Variants in ASXL1 observed in about 807,000 individuals in gnomAD.
The protein encoded by ASXL1 is polycomb group protein ASXL1.
Under a neutral mutation model 89.1 loss-of-function variants are expected in ASXL1, and 65 were observed. That is an observed-to-expected ratio of 0.73 (90% CI 0.60 to 0.90). ASXL1 has a LOEUF of 0.90. Ranked by LOEUF, ASXL1 falls within the 40% of genes least tolerant of loss-of-function variation. The probability of loss-of-function intolerance (pLI) is 0.00; values close to 1 mark genes in which losing one functional copy is unlikely to be tolerated. For synonymous variants in ASXL1, 739 were observed against 746.9 expected (o/e 0.99, Z 0.17); for missense variants, 1,786 against 1,942.9 (o/e 0.92, Z 1.52).
intron 4 of ASXL1, among the ~76,000 whole-genome samples, chr20:32,386,179 G>T (rs2048575785): frequency 1.3e-5 from 2 of 152,170 alleles, no homozygotes; most frequent in Admixed American, 1.3e-4. Context: ...AGCTCTTATG[G>T]TAGGTATTCA....
rs759657499 is a variant in ASXL1, at chr20:32,386,455, TTGCCCAGGC to T, written c.252+17335_252+17343del. On this transcript the variant is annotated intron_variant, in intron 4 of 12. Coordinates refer to ENST00000375687, the MANE Select transcript of ASXL1 (RefSeq NM_015338.6). ...TTTTTTGAGACAGAGTCTTGTTCTG[TTGCCCAGGC>T]TGGAGTGCAGTGGCATGATCCCGGC... 7.2e-5 allele frequency among the ~76,000 whole-genome samples: 11 copies of T among 152,214 alleles called. No individual in the cohort carries two copies. In the East Asian group the frequency reaches 1.7e-3, roughly 24 times the overall value.
chr20:32,380,835 C>A (rs902712415), intron 4 of ASXL1, among the ~76,000 whole-genome samples: 2 of 152,138 alleles, frequency 1.3e-5, no homozygotes, highest in Admixed American at 1.3e-4. Flanking sequence ...GATTTAGATA[C>A]AACAAAATCA....
chr20:32,438,405 TCTC>T lies in ASXL1; in HGVS notation c.*1070_*1072del, dbSNP rs556365336. 2.0e-3 allele frequency: 457 copies of T among 233,594 alleles called. 1 individual carries two copies. The highest frequency in any genetic ancestry group is 8.0e-3 in the African/African-American group (365 of 45,444). 14.5% of individuals were successfully genotyped at this position (233,594 alleles called of 1,614,324 possible). A position where few individuals can be genotyped will look rare whatever the true frequency, so the allele number is the denominator to read the frequency against. On this transcript the variant is annotated 3_prime_UTR_variant, in exon 13 of 13. Coordinates refer to ENST00000375687, the MANE Select transcript of ASXL1 (RefSeq NM_015338.6). ...GCATCATTGCATTAAAGTGGTGTAA[TCTC>T]CTTCTCTACATCTGTTGTCAGAGCC...
intron 4 of ASXL1, among the ~76,000 whole-genome samples, chr20:32,379,011 A>G (rs2048437306): frequency 6.6e-6 from 1 of 151,648 alleles, no homozygotes; most frequent in Non-Finnish European, 1.5e-5. Flanking sequence ...GAACGCCTGT[A>G]GTCCCAGCTA....
chr20:32,409,402 G>A (rs901827837), intron 4 of ASXL1, among the ~76,000 whole-genome samples: 4 of 152,158 alleles, frequency 2.6e-5, no homozygotes, highest in African/African-American at 4.8e-5. Flanking sequence ...TTTCAGACAC[G>A]ATTGTATTTG....
chr20:32,380,529 A>G (rs2048469597), intron 4 of ASXL1, among the ~76,000 whole-genome samples: 1 of 152,168 alleles, frequency 6.6e-6, no homozygotes, highest in Non-Finnish European at 1.5e-5. Flanking sequence ...AGGTGGGAGA[A>G]TTGCTTGAGC....
In ASXL1 at chr20:32,359,404, C is replaced by T. The variant is rs958393634; in HGVS notation, c.57+572C>T. ...GCAGCGGTTCTCTAACTTTAGTGTC[C>T]TGTGGGCGACACCTGGGAGGCGGTT... On this transcript the variant is annotated intron_variant, in intron 1 of 12. Transcript: ENST00000375687. 5.7e-6 allele frequency: 4 copies of T among 702,276 alleles called. No homozygotes were observed. In the African/African-American group the frequency reaches 7.0e-5, roughly 12 times the overall value. 43.5% of individuals were successfully genotyped at this position (702,276 alleles called of 1,614,324 possible).
intron 4 of ASXL1, among the ~76,000 whole-genome samples, chr20:32,373,667 G>A (rs1419357680): frequency 1.3e-5 from 2 of 152,046 alleles, no homozygotes; most frequent in African/African-American, 4.8e-5. Context: ...AGGAGTTCGA[G>A]ACCAGCCTGG....
At position 32,375,203 on chromosome 20, in the gene ASXL1, C is replaced by T. The variant is rs535542237; in HGVS notation, c.252+6080C>T. 1.6e-4 allele frequency among the ~76,000 whole-genome samples: 24 copies of T among 152,220 alleles called. No individual in the cohort carries two copies. In the South Asian group the frequency reaches 4.6e-3, roughly 29 times the overall value. ...AGACATAGCCCGGCGCAGTGGCTCA[C>T]GCCTGTAATCCCAGCAGTTTGGGAG... On this transcript the variant is annotated intron_variant, in intron 4 of 12. Coordinates refer to ENST00000375687, the MANE Select transcript of ASXL1 (RefSeq NM_015338.6).
intron 4 of ASXL1, among the ~76,000 whole-genome samples, chr20:32,376,288 T>A (rs2048377015): frequency 6.6e-6 from 1 of 152,106 alleles, no homozygotes; most frequent in Admixed American, 6.6e-5. Context: ...TGTTGTGTTA[T>A]CTTTGAGATG....
At chr20:32,389,963 GTGCT>G (rs2048643937) in intron 4 of ASXL1, among the ~76,000 whole-genome samples, 1 of 152,216 alleles carries the variant, frequency 6.6e-6, no homozygotes, top group Non-Finnish European at 1.5e-5. Context: ...TATTTTAACA[GTGCT>G]ATTTAAATAT....
At position 32,435,439 on chromosome 20, in the gene ASXL1, A is replaced by G; in HGVS notation, c.2727A>G (p.Lys909=). Residue 909 remains lysine (K), a synonymous_variant, in exon 13 of 13, where the codon AAA becomes AAG. Coordinates refer to ENST00000375687, the MANE Select transcript of ASXL1 (RefSeq NM_015338.6). ...TCCCATCGAATGATGAGGTAGTGAA[A>G]CAGCCCAAACCAGAATCCAGAGAAC... ...IPIPSNDEVV[K]QPKPESREHI... is the part of the protein sequence containing the mutation. 6.2e-7 allele frequency: 1 copy of G among 1,614,122 alleles called. No homozygotes were observed. The highest frequency in any genetic ancestry group is 8.5e-7 in the Non-Finnish European group (1 of 1,180,028).
intron 4 of ASXL1, among the ~76,000 whole-genome samples, chr20:32,423,676 G>A (rs1412463429): frequency 6.6e-6 from 1 of 151,950 alleles, no homozygotes; most frequent in African/African-American, 2.4e-5. Context: ...ACAACCTCCC[G>A]AGTAGCTGGG....
chr20:32,418,927 G>T (rs2049189143), intron 4 of ASXL1, among the ~76,000 whole-genome samples: 1 of 135,020 alleles, frequency 7.4e-6, no homozygotes, highest in Admixed American at 8.8e-5. Flanking sequence ...CCGCCTCCCA[G>T]CTTCAAGCGA....
intron 4 of ASXL1, among the ~76,000 whole-genome samples, chr20:32,394,546 TCA>T (rs2048729237): frequency 6.6e-6 from 1 of 152,238 alleles, no homozygotes; most frequent in Non-Finnish European, 1.5e-5. Context: ...CTTGTGAAAC[TCA>T]GTCTTTAATA....
chr20:32,427,983 T>C (rs1291288972), intron 4 of ASXL1, 145 bp from the exon 5 acceptor site: 2 of 1,167,600 alleles, frequency 1.7e-6, no homozygotes, highest in African/African-American at 3.1e-5. Flanking sequence ...AAGAACTTGC[T>C]GAGAAAAAGG....
At chr20:32,422,115 G>A (rs537457242) in intron 4 of ASXL1, among the ~76,000 whole-genome samples, 102 of 148,680 alleles carry the variant, frequency 6.9e-4, no homozygotes, top group African/African-American at 2.5e-3. Flanking sequence ...TCCTGACCTC[G>A]TGATCCGCCT....
chr20:32,430,301 A>G (rs750112956), intron 8 of ASXL1: 23 of 542,884 alleles, frequency 4.2e-5, no homozygotes, highest in Admixed American at 1.1e-4. Flanking sequence ...GGCCTAGTCT[A>G]TGCCTGCCTT....
At position 32,435,423 on chromosome 20, in the gene ASXL1, AT is replaced by A. The variant is rs1278860472; in HGVS notation, c.2712del (p.Asn904LysfsTer4). On this transcript the variant is annotated frameshift_variant, in exon 13 of 13. Transcript: ENST00000375687. LOFTEE classifies it low-confidence loss of function (END_TRUNC). Reference protein sequence around the residue: ...SSLHWIPIPSNDEVVKQPKPE... With the variant: ...SSLHWIPIPSXDEVVKQPKPE... ...TTGCATTGGATACCCATCCCATCGA[AT>A]GATGAGGTAGTGAAACAGCCCAAAC... 1 of 1,614,038 alleles carries A rather than the reference AT, an allele frequency of 6.2e-7. No homozygotes were observed. The highest frequency in any genetic ancestry group is 8.5e-7 in the Non-Finnish European group (1 of 1,180,034).
Sources: allele counts gnomAD v4.1 joint callset (sites outside exome capture counted in the v4.1 genomes callset), GRCh38; gene constraint gnomAD v4.1.1; transcripts MANE v1.5; gene names NCBI Gene and HGNC (gene_info 2026-07-23, HGNC 2026-07-21).